Variants in NFIB observed in about 807,000 individuals in gnomAD.
The protein encoded by NFIB is nuclear factor I B.
Under a neutral mutation model 61.5 loss-of-function variants are expected in NFIB, and 11 were observed. That is an observed-to-expected ratio of 0.18 (90% CI 0.11 to 0.30). The LOEUF (loss-of-function observed/expected upper bound fraction) is 0.30. NFIB is among the 10% of genes least tolerant of loss of function. The pLI is 1.00. For missense variants in NFIB, 471 were observed against 608.9 expected, an observed-to-expected ratio of 0.77 and a Z score of 2.38; for synonymous variants, 260 against 216.5, an observed-to-expected ratio of 1.20 and a Z score of -1.76.
In NFIB at chr9:14,280,810, G is replaced by A. The variant is rs138361988; in HGVS notation, c.562+26179C>T. Among the ~76,000 whole-genome samples, 57 of 152,232 alleles carry A rather than the reference G, an allele frequency of 3.7e-4. No individual in the cohort carries two copies. In the East Asian group the frequency reaches 0.011, roughly 29 times the overall value. ...GGGAAAAGAATCCTCAGGTATAGAA[G>A]GTGGCCAGGGAGACTACAGACCGAA... On this transcript the variant is annotated intron_variant, in intron 2 of 10. Coordinates refer to ENST00000380953, the MANE Select transcript of NFIB (RefSeq NM_001190737.2).
chr9:14,272,689 T>C (rs1353126549), intron 2 of NFIB, among the ~76,000 whole-genome samples: 4 of 61,166 alleles, frequency 6.5e-5, no homozygotes, highest in African/African-American at 1.4e-4. Flanking sequence ...TAATCAATTC[T>C]CGCAAAAAAA....
At chr9:14,523,512 C>A in the NFIB span, among the ~76,000 whole-genome samples, 3 of 152,018 alleles carry the variant, frequency 2.0e-5, no homozygotes, top group Non-Finnish European at 2.9e-5. Context: ...ATGCCAGAGA[C>A]CTTCCCGACA....
chr9:14,255,698 G>A (rs183297232), intron 2 of NFIB, among the ~76,000 whole-genome samples: 99 of 152,146 alleles, frequency 6.5e-4, no homozygotes, highest in African/African-American at 2.2e-3. Flanking sequence ...TGAAATACTT[G>A]GAGTGTTTAG....
the NFIB span, among the ~76,000 whole-genome samples, chr9:14,439,378 T>C: frequency 5.9e-5 from 9 of 152,282 alleles, no homozygotes; most frequent in South Asian, 1.4e-3. Context: ...TACTTGAAGG[T>C]CTGGGGCTGA....
chr9:14,520,743 C>A, the NFIB span, among the ~76,000 whole-genome samples: 1 of 152,138 alleles, frequency 6.6e-6, no homozygotes, highest in Non-Finnish European at 1.5e-5. Context: ...TGAGACAGCA[C>A]CTTCATTTAA....
the NFIB span, among the ~76,000 whole-genome samples, chr9:14,476,732 G>A: frequency 1.3e-5 from 2 of 152,122 alleles, no homozygotes; most frequent in East Asian, 3.8e-4. Context: ...AAGACAGCAA[G>A]AAAACCCGGT....
the NFIB span, among the ~76,000 whole-genome samples, chr9:14,417,168 G>A: frequency 1.3e-5 from 2 of 151,750 alleles, no homozygotes; most frequent in African/African-American, 4.8e-5. Context: ...TGGGATTACA[G>A]GTGTGAGCCA....
rs531506922 is a variant in NFIB at position 14,326,846 on chromosome 9, C to T, written c.109-19326G>A. Among the ~76,000 whole-genome samples the T allele has an allele frequency of 4.6e-5, 7 of 152,182 alleles. No homozygotes were observed. In the South Asian group the frequency reaches 6.2e-4, roughly 13 times the overall value. The stretch of plus-strand genomic sequence containing the variant: ...ATGAATTCTCAGTTTGAAGTATCAA[C>T]GATTTCTTAGCCTATTTATGTTTTT... On this transcript the variant is annotated intron_variant, in intron 1 of 8. Coordinates refer to the NFIB transcript ENST00000380934.
In NFIB at chr9:14,137,402, C is replaced by CA. The variant is rs540661079; in HGVS notation, c.925+9286dup. ...AATGAGAGTGTTTAAAATGAACATT[C>CA]AAAAAATAATTTAAGAAACAGAAAA... On this transcript the variant is annotated intron_variant, in intron 6 of 10. Coordinates refer to ENST00000380953, the MANE Select transcript of NFIB (RefSeq NM_001190737.2). 4.8e-3 allele frequency among the ~76,000 whole-genome samples: 732 copies of CA among 152,192 alleles called. 5 individuals carry two copies. Among genetic ancestry groups the CA allele is most frequent in the African/African-American group, 0.015 (632 of 41,552 alleles).
chr9:14,491,907 T>C, the NFIB span, among the ~76,000 whole-genome samples: 1 of 152,228 alleles, frequency 6.6e-6, no homozygotes, highest in Admixed American at 6.5e-5. Context: ...TGCTCATTCA[T>C]TGCATGGTGT....
At chr9:14,327,217 G>C (rs191366794) in intron 1 of NFIB, among the ~76,000 whole-genome samples, 2 of 152,090 alleles carry the variant, frequency 1.3e-5, no homozygotes, top group Non-Finnish European at 1.5e-5. Context: ...TATAGTCCTG[G>C]CAAAAGACCA....
chr9:14,447,913 A>G, the NFIB span, among the ~76,000 whole-genome samples: 1 of 152,172 alleles, frequency 6.6e-6, no homozygotes, highest in African/African-American at 2.4e-5. Flanking sequence ...TATTTAGACA[A>G]GTTTTTAAAT....
At chr9:14,323,943 C>T (rs1335037729) in intron 1 of NFIB, among the ~76,000 whole-genome samples, 1 of 152,162 alleles carries the variant, frequency 6.6e-6, no homozygotes, top group Non-Finnish European at 1.5e-5. Context: ...CCCAATTAGA[C>T]TTTAGAAAAT....
At chr9:14,452,561 C>A in the NFIB span, among the ~76,000 whole-genome samples, 2 of 151,982 alleles carry the variant, frequency 1.3e-5, no homozygotes, top group African/African-American at 4.8e-5. Context: ...ATACATCAAT[C>A]TTGTATTTCT....
intron 2 of NFIB, among the ~76,000 whole-genome samples, chr9:14,246,838 C>A (rs1468229251): frequency 6.6e-6 from 1 of 152,120 alleles, no homozygotes. Flanking sequence ...AAGACCCAAT[C>A]CCCAGTGTAA....
upstream of NFIB, among the ~76,000 whole-genome samples, chr9:14,316,842 T>C (rs551967148): frequency 3.3e-5 from 5 of 152,286 alleles, no homozygotes; most frequent in South Asian, 1.0e-3. Context: ...TTTGAACAAA[T>C]ATTCAATTTA....
chr9:14,386,460 G>A (rs1169255655), intron 1 of NFIB, among the ~76,000 whole-genome samples: 1 of 152,174 alleles, frequency 6.6e-6, no homozygotes, highest in Non-Finnish European at 1.5e-5. Context: ...ACACCCTTCT[G>A]AAGAGCACTA....
chr9:14,407,219 T>C, the NFIB span, among the ~76,000 whole-genome samples: 1 of 152,208 alleles, frequency 6.6e-6, no homozygotes, highest in Non-Finnish European at 1.5e-5. Flanking sequence ...ATGCCAAACA[T>C]CTAACTAAAT....
intron 10 of NFIB, among the ~76,000 whole-genome samples, chr9:14,096,029 T>G (rs1192719118): frequency 6.6e-6 from 1 of 152,182 alleles, no homozygotes; most frequent in African/African-American, 2.4e-5. Flanking sequence ...ATTCATAGTC[T>G]TTGTTATTTA....
Sources: gnomAD v4.1 joint callset for allele counts (sites outside exome capture counted in the v4.1 genomes callset) on GRCh38, gnomAD v4.1.1 for gene constraint, MANE v1.5 for transcripts, NCBI Gene and HGNC (gene_info 2026-07-23, HGNC 2026-07-21) for gene names.